The following SACM1L variants were observed in gnomAD, a reference collection of about 807,000 sequenced individuals.
The protein encoded by SACM1L is phosphatidylinositol-3-phosphatase SAC1.
In SACM1L, 32 loss-of-function variants were observed where a neutral mutation model predicts 89.5. The observed-to-expected ratio is 0.36, with a 90% CI of 0.27 to 0.48. The LOEUF (loss-of-function observed/expected upper bound fraction) is 0.48, where lower values mean the gene tolerates loss of function less well. SACM1L is among the 20% of genes least tolerant of loss of function. SACM1L has a pLI of 0.99. For synonymous variants in SACM1L, 213 were observed against 232.8 expected (o/e 0.92, Z 0.77); for missense variants, 543 against 708.5 (o/e 0.77, Z 2.65).
chr3:45,713,217 T>C (rs1698567397), intron 6 of SACM1L, 21 bp downstream of exon 6: 1 of 1,589,702 alleles, frequency 6.3e-7, no homozygotes, highest in Non-Finnish European at 8.6e-7. Flanking sequence ...CGAAATAAAA[T>C]CTGCTTAATT....
chr3:45,716,429 A>G (rs552617981), intron 7 of SACM1L, among the ~76,000 whole-genome samples: 5 of 152,276 alleles, frequency 3.3e-5, no homozygotes, highest in African/African-American at 4.8e-5. Flanking sequence ...TGATCACACC[A>G]CTGTGTTCTA....
rs1378827903 is a variant in SACM1L at position 45,719,593 on chromosome 3, A to G, written c.671A>G (p.Tyr224Cys). The change falls in exon 8 of 20, where the codon TAT becomes TGT. Residue 224 changes from tyrosine to cysteine, a missense_variant. This residue lies in a region of SACM1L where 370 missense variants were observed against 527.6 expected (regional missense o/e 0.70). Transcript: ENST00000389061. ...RSCFRAGVRY[Y>C]VRGIDSEGHA... ...TGTTTCAGAGCTGGTGTGCGCTATT[A>G]TGTAAGAGGTGAGAATTTTGTCAGC... is the stretch of plus-strand genomic sequence containing the variant. The G allele has an allele frequency of 6.2e-7, 1 of 1,603,998 alleles. No individual in the cohort carries two copies. Among genetic ancestry groups the G allele is most frequent in the Non-Finnish European group, 8.5e-7 (1 of 1,174,348 alleles).
At chr3:45,715,482 ATG>A (rs1378422520) in intron 7 of SACM1L, among the ~76,000 whole-genome samples, 2 of 152,206 alleles carry the variant, frequency 1.3e-5, no homozygotes, top group East Asian at 3.8e-4. Flanking sequence ...ATAAGAATAA[ATG>A]TGTTTATTCA....
chr3:45,735,424 A>G (rs1699177522), intron 14 of SACM1L, 51 bp downstream of exon 14: 2 of 1,478,464 alleles, frequency 1.4e-6, no homozygotes, highest in African/African-American at 2.8e-5. Context: ...GCAAAAAATT[A>G]AACATCTTTA....
chr3:45,689,584 G>C (rs897690514), intron 1 of SACM1L, 87 bp downstream of exon 1: 2 of 1,439,138 alleles, frequency 1.4e-6, no homozygotes, highest in South Asian at 1.2e-5. Flanking sequence ...CTGAGTCCCG[G>C]ATTGCAGATA....
chr3:45,696,505 A>G (rs1229267913), intron 1 of SACM1L, among the ~76,000 whole-genome samples: 2 of 152,128 alleles, frequency 1.3e-5, no homozygotes. Context: ...GTTGGGTCAT[A>G]TGGGAATTCT....
chr3:45,738,896 T>C, intron 18 of SACM1L, 23 bp downstream of exon 18: 1 of 1,492,940 alleles, frequency 6.7e-7, no homozygotes, highest in Non-Finnish European at 9.3e-7. Context: ...TTTGTATTTT[T>C]CAAGTTTTTA....
intron 7 of SACM1L, among the ~76,000 whole-genome samples, chr3:45,714,996 A>G (rs1456211098): frequency 1.3e-5 from 2 of 152,240 alleles, no homozygotes; most frequent in Non-Finnish European, 2.9e-5. Flanking sequence ...TGAGATACAC[A>G]AATACCATTG....
chr3:45,722,320 C>G (rs186453719), intron 9 of SACM1L, among the ~76,000 whole-genome samples: 2 of 151,806 alleles, frequency 1.3e-5, no homozygotes, highest in African/African-American at 4.8e-5. Context: ...CTAGGAGGTG[C>G]GAAGAGAGTT....
intron 1 of SACM1L, among the ~76,000 whole-genome samples, chr3:45,697,933 C>G (rs573570478): frequency 6.6e-6 from 1 of 152,166 alleles, no homozygotes; most frequent in East Asian, 1.9e-4. Context: ...CTTCTTGGAT[C>G]GAATCTTGTC....
At chr3:45,706,519 A>C (rs918460159) in intron 3 of SACM1L, among the ~76,000 whole-genome samples, 1 of 152,228 alleles carries the variant, frequency 6.6e-6, no homozygotes, top group South Asian at 2.1e-4. Flanking sequence ...TCCATTTACT[A>C]AGACAAATCC....
intron 1 of SACM1L, among the ~76,000 whole-genome samples, chr3:45,698,405 C>T (rs1388648197): frequency 2.0e-5 from 3 of 152,190 alleles, no homozygotes; most frequent in Non-Finnish European, 4.4e-5. Flanking sequence ...CTTTCAGTGA[C>T]ATTATCAGAA....
intron 1 of SACM1L, among the ~76,000 whole-genome samples, chr3:45,693,376 G>C (rs1371629737): frequency 6.6e-6 from 1 of 152,152 alleles, no homozygotes; most frequent in East Asian, 1.9e-4. Context: ...GTAAATGAAA[G>C]GAACTTTCCA....
At chr3:45,725,528 C>T (rs1191112307) in intron 11 of SACM1L, among the ~76,000 whole-genome samples, 3 of 151,922 alleles carry the variant, frequency 2.0e-5, no homozygotes, top group African/African-American at 7.2e-5. Flanking sequence ...TATAGAAATG[C>T]AACTGATTAT....
intron 1 of SACM1L, among the ~76,000 whole-genome samples, chr3:45,695,882 T>C (rs1359187416): frequency 6.6e-6 from 1 of 152,182 alleles, no homozygotes; most frequent in Non-Finnish European, 1.5e-5. Context: ...CTCTATAAAT[T>C]TGACTTCTCT....
intron 1 of SACM1L, among the ~76,000 whole-genome samples, chr3:45,695,215 C>G (rs1247451447): frequency 6.6e-6 from 1 of 151,912 alleles, no homozygotes; most frequent in Non-Finnish European, 1.5e-5. Flanking sequence ...GTGCCTCTGT[C>G]TTTTCAACCA....
intron 4 of SACM1L, among the ~76,000 whole-genome samples, chr3:45,708,257 T>G (rs1017727667): frequency 6.6e-6 from 1 of 152,168 alleles, no homozygotes; most frequent in African/African-American, 2.4e-5. Context: ...CTGTTTTTGC[T>G]CGGAGTGTGT....
chr3:45,742,451 C>T (rs764545548), intron 19 of SACM1L, among the ~76,000 whole-genome samples: 15 of 152,136 alleles, frequency 9.9e-5, no homozygotes, highest in Admixed American at 7.9e-4. Flanking sequence ...TAGTTTCTTC[C>T]GTGGTGTGCT....
At chr3:45,689,641 GCCTCT>G in intron 1 of SACM1L, 144 bp downstream of exon 1, 2 of 1,010,386 alleles carry the variant, frequency 2.0e-6, no homozygotes, top group Non-Finnish European at 1.5e-6. Context: ...AGCCGGCGCG[GCCTCT>G]CCTAGGCCTC....
Sources: gnomAD v4.1 joint callset for allele counts (sites outside exome capture counted in the v4.1 genomes callset) on GRCh38, gnomAD v4.1.1 for gene constraint, gnomAD v4.1.1 regional missense constraint, MANE v1.5 for transcripts, NCBI Gene and HGNC (gene_info 2026-07-23, HGNC 2026-07-21) for gene names.